The following TACC2 variants were observed in gnomAD, a reference collection of about 807,000 sequenced individuals.
TACC2 encodes transforming acidic coiled-coil containing protein 2, also known as transforming acidic coiled-coil-containing protein 2.
A neutral mutation model predicts 227.3 loss-of-function variants in TACC2; 137 were observed. The observed-to-expected ratio is 0.60, with a 90% CI of 0.52 to 0.69. TACC2 has a LOEUF of 0.69. TACC2 is among the 30% of genes least tolerant of loss of function. TACC2 has a pLI of 0.00. For missense variants in TACC2, 3,470 were observed against 3,694.4 expected (o/e 0.94, Z 1.57); for synonymous variants, 1,523 against 1,487.5 (o/e 1.02, Z -0.55).
chr10:122,201,853 C>T (rs886359257), intron 8 of TACC2, among the ~76,000 whole-genome samples: 1 of 152,108 alleles, frequency 6.6e-6, no homozygotes, highest in Non-Finnish European at 1.5e-5. Context: ...ACAGTGACAG[C>T]GAGGCACAGC....
intron 6 of TACC2, among the ~76,000 whole-genome samples, chr10:122,134,119 A>C (rs1218691432): frequency 6.6e-6 from 1 of 152,102 alleles, no homozygotes; most frequent in East Asian, 1.9e-4. Flanking sequence ...GCAGCCATGC[A>C]ATGATGTGGA....
intron 3 of TACC2, among the ~76,000 whole-genome samples, chr10:122,068,147 G>A (rs949930214): frequency 3.9e-5 from 6 of 152,032 alleles, no homozygotes; most frequent in Non-Finnish European, 8.8e-5. Flanking sequence ...TTTAGACATT[G>A]CAGTTTTCAT....
At chr10:122,158,567 T>A (rs962851233) in intron 7 of TACC2, among the ~76,000 whole-genome samples, 6 of 152,068 alleles carry the variant, frequency 3.9e-5, no homozygotes, top group African/African-American at 1.2e-4. Flanking sequence ...TGCTGAAGAG[T>A]CACCTGTAGA....
chr10:122,125,218 A>G (rs1191142538), intron 5 of TACC2, among the ~76,000 whole-genome samples: 1 of 152,058 alleles, frequency 6.6e-6, no homozygotes, highest in Non-Finnish European at 1.5e-5. Context: ...TTTTTGAGAC[A>G]GGGTCTCACT....
At chr10:122,158,607 G>T (rs1402389438) in intron 7 of TACC2, among the ~76,000 whole-genome samples, 5 of 152,080 alleles carry the variant, frequency 3.3e-5, no homozygotes, top group African/African-American at 1.2e-4. Flanking sequence ...AACTTTGAAA[G>T]GTTCCAGGTG....
At chr10:122,166,575 G>C (rs1292808496) in intron 7 of TACC2, among the ~76,000 whole-genome samples, 1 of 152,204 alleles carries the variant, frequency 6.6e-6, no homozygotes, top group Non-Finnish European at 1.5e-5. Context: ...GACAGCATCA[G>C]CTTCCCAAAG....
intron 5 of TACC2, among the ~76,000 whole-genome samples, chr10:122,101,549 ATC>A (rs1178485992): frequency 2.9e-5 from 3 of 103,838 alleles, no homozygotes; most frequent in Admixed American, 2.3e-4. Context: ...GCAAAACCCC[ATC>A]TTTTTTTTTT....
chr10:122,105,779 C>T lies in TACC2; in HGVS notation c.5573+17188C>T, dbSNP rs183504539. ...GGGATTACAGGTGCCCACCACCACA[C>T]CTGGCTAATTTTTTTTTATTTTTAG... On this transcript the variant is annotated intron_variant, in intron 5 of 22. Coordinates refer to ENST00000369005, the MANE Select transcript of TACC2 (RefSeq NM_206862.4). Among the ~76,000 whole-genome samples the T allele has an allele frequency of 2.6e-5, 4 of 152,030 alleles. 1 individual carries two copies. Among genetic ancestry groups the T allele is most frequent in the Admixed American group, 2.6e-4 (4 of 15,238 alleles).
intron 7 of TACC2, among the ~76,000 whole-genome samples, chr10:122,146,884 T>G (rs1336540662): frequency 6.6e-6 from 1 of 152,180 alleles, no homozygotes; most frequent in Non-Finnish European, 1.5e-5. Context: ...TGTTTCTTCT[T>G]AGACTTGTCT....
chr10:122,195,394 G>A (rs1006127617), intron 8 of TACC2, among the ~76,000 whole-genome samples: 3 of 152,234 alleles, frequency 2.0e-5, no homozygotes, highest in African/African-American at 4.8e-5. Flanking sequence ...TTTAGGGGGG[G>A]CCTCTGGGGA....
chr10:122,084,626 G>C lies in TACC2; in HGVS notation c.2126G>C (p.Arg709Thr), dbSNP rs755775293. 3.7e-6 allele frequency: 6 copies of C among 1,613,846 alleles called. No homozygotes were observed. The highest frequency in any genetic ancestry group is 2.2e-5 in the South Asian group (2 of 91,088). ...CTTCAGAGCAGGGAAGGATTGGGAAGAATGGAGTCTTTCCTGACTTTAGAA... is the reference window on the plus strand; with the variant it reads ...CTTCAGAGCAGGGAAGGATTGGGAACAATGGAGTCTTTCCTGACTTTAGAA... The part of the protein sequence containing the change: ...DTLQSREGLG[R>T]MESFLTLESE... Residue 709 changes from arginine (R) to threonine (T), a missense_variant, in exon 4 of 23, where the codon AGA (arginine) becomes ACA (threonine). Arg to Thr is a moderately conservative substitution (Grantham distance 71). Around this residue, in one of 10 missense-constraint regions of TACC2, gnomAD observed 1,924 missense variants for 1,978.3 expected, o/e 0.97. Coordinates refer to ENST00000369005, the MANE Select transcript of TACC2 (RefSeq NM_206862.4).
At chr10:122,131,200 A>T (rs1463702652) in intron 5 of TACC2, among the ~76,000 whole-genome samples, 1 of 143,406 alleles carries the variant, frequency 7.0e-6, no homozygotes, top group African/African-American at 2.7e-5. Flanking sequence ...AAAAAAAAAA[A>T]ATCTGACTCT....
chr10:122,186,508 A>AGTTT (rs1011856030), intron 7 of TACC2, among the ~76,000 whole-genome samples: 8 of 151,868 alleles, frequency 5.3e-5, no homozygotes, highest in African/African-American at 1.7e-4. Context: ...GGATAAAATG[A>AGTTT]GTTTATTTAT....
chr10:122,095,111 G>T (rs553023977), intron 5 of TACC2, among the ~76,000 whole-genome samples: 149 of 152,312 alleles, frequency 9.8e-4, no homozygotes, highest in African/African-American at 3.4e-3. Context: ...GACAGACCTG[G>T]GTTTTGGCCC....
At chr10:122,020,325 T>C (rs57500658) in intron 1 of TACC2, among the ~76,000 whole-genome samples, 20 of 138,102 alleles carry the variant, frequency 1.4e-4, no homozygotes, top group African/African-American at 5.8e-4. Context: ...TGTGTGTGTG[T>C]GTGTGTGTGT....
intron 21 of TACC2, 126 bp from the exon 22 acceptor site, chr10:122,249,418 G>A (rs757951554): frequency 1.3e-5 from 17 of 1,349,254 alleles, no homozygotes; most frequent in Non-Finnish European, 1.6e-5. Flanking sequence ...GGGCTCCTGT[G>A]CTCCAGCTCC....
At chr10:122,042,180 C>T (rs2074374549) in intron 2 of TACC2, among the ~76,000 whole-genome samples, 1 of 152,138 alleles carries the variant, frequency 6.6e-6, no homozygotes, top group East Asian at 1.9e-4. Flanking sequence ...CTCCTGACCT[C>T]GTGATCTGCC....
chr10:122,077,804 G>C (rs184426385), intron 3 of TACC2, among the ~76,000 whole-genome samples: 2 of 152,316 alleles, frequency 1.3e-5, no homozygotes, highest in African/African-American at 4.8e-5. Flanking sequence ...CTTTGACCCT[G>C]GGTCCTGTCT....
chr10:122,061,153 C>CA (rs1049160128), intron 3 of TACC2, among the ~76,000 whole-genome samples: 11 of 143,470 alleles, frequency 7.7e-5, no homozygotes, highest in South Asian at 2.3e-4. Flanking sequence ...ACTAAAAATG[C>CA]AAAAAAAATT....
Sources: gnomAD v4.1 joint callset for allele counts (sites outside exome capture counted in the v4.1 genomes callset) on GRCh38, gnomAD v4.1.1 for gene constraint, gnomAD v4.1.1 regional missense constraint, MANE v1.5 for transcripts, NCBI Gene and HGNC (gene_info 2026-07-23, HGNC 2026-07-21) for gene names.